FAM171A1: variants seen among roughly 807,000 people sequenced by gnomAD.
FAM171A1 encodes the protein family with sequence similarity 171 member A1, also known as protein FAM171A1.
In FAM171A1, 23 loss-of-function variants were observed where a neutral mutation model predicts 74.9. That is an observed-to-expected ratio of 0.31 (90% CI 0.22 to 0.44). The LOEUF (loss-of-function observed/expected upper bound fraction) is 0.44. FAM171A1 is among the 20% of genes least tolerant of loss of function. FAM171A1 has a pLI of 1.00. For missense variants in FAM171A1, 1,162 were observed against 1,159.2 expected, an observed-to-expected ratio of 1.00 and a Z score of -0.03; for synonymous variants, 527 against 505.7, an observed-to-expected ratio of 1.04 and a Z score of -0.57.
At chr10:15,219,148 G>A (rs549393373) in intron 6 of FAM171A1, among the ~76,000 whole-genome samples, 3 of 152,172 alleles carry the variant, frequency 2.0e-5, no homozygotes, top group Non-Finnish European at 2.9e-5. Flanking sequence ...CAGGTGTGGC[G>A]GCGGAGACCT....
intron 3 of FAM171A1, among the ~76,000 whole-genome samples, chr10:15,262,519 A>C (rs1230768756): frequency 6.6e-6 from 1 of 152,170 alleles, no homozygotes; most frequent in East Asian, 1.9e-4. Context: ...CGGGGAAGTT[A>C]GGAAGAAGTG....
Position 15,279,120 on chromosome 10 carries a change from C to T in FAM171A1, c.326-3173G>A, listed in dbSNP as rs561671681. Among the ~76,000 whole-genome samples the T allele has an allele frequency of 1.3e-3, 196 of 152,184 alleles. 1 individual carries two copies. The highest frequency in any genetic ancestry group is 0.01 in the Middle Eastern group (3 of 294). On this transcript the variant is annotated intron_variant, in intron 2 of 7. Coordinates refer to ENST00000378116, the MANE Select transcript of FAM171A1 (RefSeq NM_001010924.2). The stretch of plus-strand genomic sequence containing the variant: ...TCTGAGCTGACCGGTTTGGGGGGCT[C>T]GGAGCTCCGAAATCACCTGTGATCA...
chr10:15,370,192 G>A (rs373910074), intron 1 of FAM171A1, among the ~76,000 whole-genome samples: 3 of 151,390 alleles, frequency 2.0e-5, no homozygotes, highest in East Asian at 1.9e-4. Flanking sequence ...GGCCAAAGAC[G>A]AGACAAAAGG....
intron 7 of FAM171A1, 87 bp downstream of exon 7, chr10:15,215,909 A>C (rs78522773): frequency 5.4e-5 from 41 of 760,918 alleles, no homozygotes; most frequent in Middle Eastern, 7.3e-4. Flanking sequence ...TAAAAAAAAA[A>C]CCCACCTCCA....
intron 3 of FAM171A1, among the ~76,000 whole-genome samples, chr10:15,257,979 T>A (rs552514033): frequency 3.3e-5 from 5 of 152,136 alleles, no homozygotes; most frequent in Non-Finnish European, 4.4e-5. Flanking sequence ...TCCATCCCCA[T>A]CCCCAAAATA....
chr10:15,304,191 A>T (rs1460924922), intron 1 of FAM171A1, among the ~76,000 whole-genome samples: 1 of 152,176 alleles, frequency 6.6e-6, no homozygotes, highest in Admixed American at 6.5e-5. Flanking sequence ...TTATGTAGCT[A>T]CTCATAACTG....
chr10:15,302,365 T>C (rs1267360924), intron 1 of FAM171A1, among the ~76,000 whole-genome samples: 1 of 152,100 alleles, frequency 6.6e-6, no homozygotes, highest in Non-Finnish European at 1.5e-5. Flanking sequence ...CTTGGGATGC[T>C]GAGGCAGCAG....
chr10:15,226,885 T>C (rs771075387), intron 5 of FAM171A1, among the ~76,000 whole-genome samples: 3 of 152,112 alleles, frequency 2.0e-5, no homozygotes, highest in Non-Finnish European at 2.9e-5. Context: ...ACCCCCCAGC[T>C]TCCCACCTGG....
At position 15,266,038 on chromosome 10, in the gene FAM171A1, G is replaced by A. The variant is rs138099413; in HGVS notation, c.418+9817C>T. Among the ~76,000 whole-genome samples, 961 of 152,306 alleles carry A rather than the reference G, an allele frequency of 6.3e-3. 12 individuals are homozygous for A. Among genetic ancestry groups the A allele is most frequent in the African/African-American group, 0.021 (881 of 41,568 alleles). ...AGCTCTCAGGCCACTTGGCAGGAGTGAGTGGGTTTCCCTGTAACACTGGGC... is the reference window on the plus strand; with the variant it reads ...AGCTCTCAGGCCACTTGGCAGGAGTAAGTGGGTTTCCCTGTAACACTGGGC... On this transcript the variant is annotated intron_variant, in intron 3 of 7. Transcript: ENST00000378116.
chr10:15,248,815 C>A lies in FAM171A1; in HGVS notation c.578G>T (p.Gly193Val), dbSNP rs554731037. 1 of 1,601,128 alleles carries A rather than the reference C, an allele frequency of 6.2e-7. No homozygotes were observed. The highest frequency in any genetic ancestry group is 1.3e-5 in the African/African-American group (1 of 74,596). ...YLRGLDGNGT[G>V]NSTRHDLTPV... ...GGTCAGGTCATGCCTGGTGCTGTTT[C>A]CTAGAAGGAAGAGGCATTTTCCATC... Residue 193 changes from glycine to valine, a missense_variant and splice_region_variant, in exon 5 of 8, where the codon GGA (glycine) becomes GTA (valine). By Grantham distance (109) the Gly-to-Val change is moderately radical. Coordinates refer to ENST00000378116, the MANE Select transcript of FAM171A1 (RefSeq NM_001010924.2).
At chr10:15,337,341 T>A (rs1048713395) in intron 1 of FAM171A1, among the ~76,000 whole-genome samples, 4 of 152,238 alleles carry the variant, frequency 2.6e-5, no homozygotes, top group Non-Finnish European at 5.9e-5. Context: ...AAATTATAGT[T>A]CATTTCATCT....
chr10:15,215,893 A>G (rs1288519794), intron 7 of FAM171A1, 103 bp downstream of exon 7: 2 of 671,896 alleles, frequency 3.0e-6, no homozygotes, highest in Non-Finnish European at 4.8e-6. Flanking sequence ...TTCAATTTAG[A>G]AAAATTAAAA....
chr10:15,244,214 G>A (rs1008381358), intron 5 of FAM171A1, among the ~76,000 whole-genome samples: 1 of 152,204 alleles, frequency 6.6e-6, no homozygotes, highest in African/African-American at 2.4e-5. Context: ...AATTAGCCTG[G>A]GGTGGTGGTG....
chr10:15,266,620 C>CTGTG (rs1018707558), intron 3 of FAM171A1, among the ~76,000 whole-genome samples: 1 of 152,126 alleles, frequency 6.6e-6, no homozygotes, highest in African/African-American at 2.4e-5. Context: ...AACCCCAGCA[C>CTGTG]TGTGGAAGGC....
chr10:15,254,407 A>T (rs1834549315), intron 4 of FAM171A1, among the ~76,000 whole-genome samples: 1 of 152,248 alleles, frequency 6.6e-6, no homozygotes, highest in South Asian at 2.1e-4. Flanking sequence ...ATACTTAAAA[A>T]AATTGCAATT....
intron 5 of FAM171A1, among the ~76,000 whole-genome samples, chr10:15,234,025 A>C (rs1834247445): frequency 6.6e-6 from 1 of 152,196 alleles, no homozygotes. Flanking sequence ...TACAGATCTC[A>C]TATTTGAGGC....
At chr10:15,361,129 ATAAT>A (rs1378913489) in intron 1 of FAM171A1, among the ~76,000 whole-genome samples, 1 of 152,216 alleles carries the variant, frequency 6.6e-6, no homozygotes, top group Non-Finnish European at 1.5e-5. Flanking sequence ...TAAATTATTA[ATAAT>A]TAAACAACTA....
intron 4 of FAM171A1, among the ~76,000 whole-genome samples, chr10:15,253,787 G>T (rs1051088083): frequency 6.6e-5 from 10 of 152,136 alleles, no homozygotes; most frequent in African/African-American, 1.9e-4. Flanking sequence ...AAAGGAAAGT[G>T]GGGTAGACAA....
At chr10:15,369,728 GTC>G in intron 1 of FAM171A1, among the ~76,000 whole-genome samples, 1 of 152,324 alleles carries the variant, frequency 6.6e-6, no homozygotes, top group Middle Eastern at 3.4e-3. Context: ...AAGCCCGGGC[GTC>G]TCTGCTCCCA....
Sources: gnomAD v4.1 joint callset for allele counts (sites outside exome capture counted in the v4.1 genomes callset) on GRCh38, gnomAD v4.1.1 for gene constraint, MANE v1.5 for transcripts, NCBI Gene and HGNC (gene_info 2026-07-23, HGNC 2026-07-21) for gene names.